The following BDKRB2 variants were observed in gnomAD, a reference collection of about 807,000 sequenced individuals.
The protein encoded by BDKRB2 is bradykinin receptor B2.
In BDKRB2, 6 loss-of-function variants were observed where a neutral mutation model predicts 4.0. The observed-to-expected ratio is 1.49, with a 90% CI of 0.81 to 2.93. BDKRB2 has a LOEUF of 2.93. BDKRB2 is among the 30% of genes most tolerant of loss of function. The probability of loss-of-function intolerance (pLI) is 0.00; values close to 1 mark genes in which losing one functional copy is unlikely to be tolerated. For synonymous variants in BDKRB2, 225 were observed against 215.3 expected (o/e 1.05, Z -0.40); for missense variants, 478 against 520.1 (o/e 0.92, Z 0.79).
In BDKRB2 at chr14:96,242,327, C is replaced by G. The variant is rs910765198; in HGVS notation, c.*823C>G. 3 of 152,216 alleles carry G rather than the reference C, an allele frequency of 2.0e-5. No homozygotes were observed. The highest frequency in any genetic ancestry group is 7.2e-5 in the African/African-American group (3 of 41,444). The allele number at this position is 152,216 out of a possible 1,614,324, so 9.4% of individuals were successfully genotyped here. Reference sequence around the variant, plus strand: ...AGCTCAACCAATAACTATTGCACAACCATCTGTCCCTGCCTCAGTTCCCTC... The same window carrying G: ...AGCTCAACCAATAACTATTGCACAAGCATCTGTCCCTGCCTCAGTTCCCTC... On this transcript the variant is annotated 3_prime_UTR_variant, in exon 3 of 3. Coordinates refer to ENST00000554311, the MANE Select transcript of BDKRB2 (RefSeq NM_001379692.1).
rs144685586 is a variant in BDKRB2, at chr14:96,227,142, G to A, written c.-39-9927G>A. On this transcript the variant is annotated intron_variant, in intron 1 of 2. Transcript: ENST00000554311. Reference sequence around the variant, plus strand: ...CCCTTCTGCAAAAGACAGGCTGGGGGAGGTTGGGCATTTTCTTCTTAACTA... The same window carrying A: ...CCCTTCTGCAAAAGACAGGCTGGGGAAGGTTGGGCATTTTCTTCTTAACTA... Among the ~76,000 whole-genome samples the A allele has an allele frequency of 3.2e-3, 493 of 152,310 alleles. 3 individuals carry two copies. Among genetic ancestry groups the A allele is most frequent in the African/African-American group, 0.011 (468 of 41,572 alleles).
intron 1 of BDKRB2, among the ~76,000 whole-genome samples, chr14:96,206,231 A>G (rs1890176803): frequency 6.6e-6 from 1 of 152,010 alleles, no homozygotes; most frequent in African/African-American, 2.4e-5. Flanking sequence ...AGAGCAGGGG[A>G]CAGCCAAGAG....
chr14:96,238,972 T>C (rs887382718), intron 2 of BDKRB2: 17 of 985,352 alleles, frequency 1.7e-5, no homozygotes, highest in Middle Eastern at 1.0e-3. Context: ...GATAGAAGCA[T>C]TGATTTGTGG....
chr14:96,240,613 C>T lies in BDKRB2; in HGVS notation c.285C>T (p.Tyr95=), dbSNP rs764983124. 7 of 1,548,644 alleles carry T rather than the reference C, an allele frequency of 4.5e-6. No individual in the cohort carries two copies. Among genetic ancestry groups the T allele is most frequent in the African/African-American group, 4.1e-5 (3 of 72,782 alleles). Residue 95 remains tyrosine (Y), a synonymous_variant, in exon 3 of 3, where the codon TAC becomes TAT. Coordinates refer to ENST00000554311, the MANE Select transcript of BDKRB2 (RefSeq NM_001379692.1). ...HKSSCTVAEI[Y]LGNLAAADLI... ...GCAGCTGCACGGTGGCAGAGATCTA[C>T]CTGGGGAACCTGGCCGCAGCAGACC...
intron 1 of BDKRB2, among the ~76,000 whole-genome samples, chr14:96,234,378 C>T (rs1267052768): frequency 1.3e-5 from 2 of 152,172 alleles, no homozygotes; most frequent in African/African-American, 4.8e-5. Flanking sequence ...AAGAGAGGAG[C>T]CAACAACACC....
intron 1 of BDKRB2, among the ~76,000 whole-genome samples, chr14:96,229,528 A>G (rs1383428736): frequency 2.6e-5 from 4 of 152,152 alleles, no homozygotes; most frequent in African/African-American, 7.2e-5. Flanking sequence ...AAGCTTCCTT[A>G]GTGAAAGCCA....
Position 96,207,152 on chromosome 14 carries a change from G to C in BDKRB2, c.-40+2193G>C, listed in dbSNP as rs1414258580. The stretch of plus-strand genomic sequence containing the variant: ...TTGGATCATAGCACCGGGGGACTCT[G>C]GTTTTCAGAATGAAAGTAGGGGCCT... On this transcript the variant is annotated intron_variant, in intron 1 of 2. Coordinates refer to ENST00000554311, the MANE Select transcript of BDKRB2 (RefSeq NM_001379692.1). Among the ~76,000 whole-genome samples the C allele has an allele frequency of 5.3e-5, 8 of 152,114 alleles. No homozygotes were observed. In the South Asian group the frequency reaches 1.5e-3, roughly 28 times the overall value.
At chr14:96,217,206 G>T (rs556108806) in intron 1 of BDKRB2, among the ~76,000 whole-genome samples, 1 of 152,194 alleles carries the variant, frequency 6.6e-6, no homozygotes, top group African/African-American at 2.4e-5. Context: ...TGTGACAATC[G>T]AGATAGTGTG....
At chr14:96,219,369 C>T (rs1023424768) in intron 1 of BDKRB2, among the ~76,000 whole-genome samples, 4 of 151,922 alleles carry the variant, frequency 2.6e-5, no homozygotes, top group Non-Finnish European at 4.4e-5. Context: ...TAAATATCTC[C>T]GGTGTTTCCT....
At chr14:96,233,256 A>C (rs1434090535) in intron 1 of BDKRB2, among the ~76,000 whole-genome samples, 1 of 151,900 alleles carries the variant, frequency 6.6e-6, no homozygotes, top group Admixed American at 6.6e-5. Flanking sequence ...CTGGTCTCCC[A>C]CTCCTGGGCT....
chr14:96,218,197 C>T (rs1013117666), intron 1 of BDKRB2, among the ~76,000 whole-genome samples: 5 of 152,070 alleles, frequency 3.3e-5, no homozygotes, highest in South Asian at 2.1e-4. Flanking sequence ...TTGAGATGCT[C>T]GTGCATGACT....
intron 1 of BDKRB2, among the ~76,000 whole-genome samples, chr14:96,221,600 A>G (rs1890562636): frequency 6.6e-6 from 1 of 152,032 alleles, no homozygotes; most frequent in South Asian, 2.1e-4. Context: ...GTTGCCGGGG[A>G]GAGTCAGCTG....
intron 1 of BDKRB2, chr14:96,223,078 C>G: frequency 1.0e-6 from 1 of 1,003,114 alleles, no homozygotes; most frequent in Non-Finnish European, 1.6e-6. Flanking sequence ...GTTGGCGGCA[C>G]AGGGCTGAAG....
intron 1 of BDKRB2, among the ~76,000 whole-genome samples, chr14:96,219,259 G>A (rs1412546765): frequency 3.3e-5 from 5 of 152,074 alleles, no homozygotes; most frequent in South Asian, 2.1e-4. Context: ...CCAAGATTGC[G>A]CCATTGCACT....
In BDKRB2 at chr14:96,241,296, G is replaced by A; in HGVS notation, c.968G>A (p.Ser323Asn). Reference protein sequence around the residue: ...ITQIASFMAYSNSCLNPLVYV... With the variant: ...ITQIASFMAYNNSCLNPLVYV... ...CAGATCGCCTCCTTCATGGCCTACAGCAACAGCTGCCTCAACCCACTGGTG... is the reference window on the plus strand; with the variant it reads ...CAGATCGCCTCCTTCATGGCCTACAACAACAGCTGCCTCAACCCACTGGTG... The change falls in exon 3 of 3, where the codon AGC (serine) becomes AAC (asparagine). Residue 323 changes from serine to asparagine, a missense_variant. Physicochemically the swap from Ser to Asn is conservative, Grantham distance 46 (BLOSUM62 1). Transcript: ENST00000554311. 6.2e-7 allele frequency: 1 copy of A among 1,614,066 alleles called. No homozygotes were observed. The highest frequency in any genetic ancestry group is 8.5e-7 in the Non-Finnish European group (1 of 1,179,964).
intron 1 of BDKRB2, among the ~76,000 whole-genome samples, chr14:96,234,858 C>T (rs996466231): frequency 2.7e-4 from 41 of 152,166 alleles, no homozygotes; most frequent in African/African-American, 9.7e-4. Context: ...CATGACTGAG[C>T]TGTGAGGACC....
intron 1 of BDKRB2, among the ~76,000 whole-genome samples, chr14:96,229,829 T>C (rs1392704093): frequency 1.3e-5 from 2 of 151,946 alleles, no homozygotes; most frequent in African/African-American, 4.8e-5. Context: ...TAAATTAAAT[T>C]GAAAATAAAA....
In BDKRB2 at chr14:96,230,431, G is replaced by T. The variant is rs1308066837; in HGVS notation, c.-39-6638G>T. Among the ~76,000 whole-genome samples the T allele has an allele frequency of 3.3e-5, 5 of 152,174 alleles. No homozygotes were observed. The East Asian group carries it at 9.7e-4, about 29-fold the overall frequency. ...TGTTTTTGAGACGGAGTCTCGCTCT[G>T]TCGCCCAGGCTGGAGTGCAACGGTG... On this transcript the variant is annotated intron_variant, in intron 1 of 2. Transcript: ENST00000554311.
chr14:96,210,917 A>G (rs982819158), intron 1 of BDKRB2: 3 of 152,358 alleles, frequency 2.0e-5, no homozygotes, highest in African/African-American at 7.2e-5. Flanking sequence ...TCCTAGTCCC[A>G]CCAGCCAAAA....
Sources: gnomAD v4.1 joint callset for allele counts (sites outside exome capture counted in the v4.1 genomes callset) on GRCh38, gnomAD v4.1.1 for gene constraint, MANE v1.5 for transcripts, NCBI Gene and HGNC (gene_info 2026-07-23, HGNC 2026-07-21) for gene names.